AKR7A3: variants seen among roughly 807,000 people sequenced by gnomAD.
The protein encoded by AKR7A3 is AFB1 aldehyde reductase 2.
In AKR7A3, 37 loss-of-function variants were observed where a neutral mutation model predicts 32.5. That is an observed-to-expected ratio of 1.14 (90% CI 0.88 to 1.50). The LOEUF (loss-of-function observed/expected upper bound fraction) is 1.50, where lower values mean the gene tolerates loss of function less well. Ranked by LOEUF, AKR7A3 falls within the 40% of genes most tolerant of loss-of-function variation. The pLI, the probability that AKR7A3 is intolerant of heterozygous loss-of-function variation, is 0.00. For missense variants in AKR7A3, 412 were observed against 453.2 expected (o/e 0.91, Z 0.83); for synonymous variants, 177 against 188.4 (o/e 0.94, Z 0.50).
intron 6 of AKR7A3, 99 bp downstream of exon 6, chr1:19,283,897 T>G: frequency 6.4e-7 from 1 of 1,564,104 alleles, no homozygotes; most frequent in Non-Finnish European, 8.7e-7. Context: ...GAAAGAGAAA[T>G]TTCAGAGGAA....
downstream of AKR7A3, among the ~76,000 whole-genome samples, chr1:19,279,574 C>T (rs890404945): frequency 2.6e-5 from 4 of 151,854 alleles, no homozygotes; most frequent in Non-Finnish European, 5.9e-5. Context: ...AGTTTCTCTA[C>T]GGCACTTCTA....
At position 19,288,587 on chromosome 1, in the gene AKR7A3, G is replaced by A. The variant is rs1469368110; in HGVS notation, c.123C>T (p.Thr41=). ...TGTACACGAAGGCCGTGTCTATCTCGGTGTGGCCGCGCTCCAGGAAGGCGC... is the reference window on the plus strand; with the variant it reads ...TGTACACGAAGGCCGTGTCTATCTCAGTGTGGCCGCGCTCCAGGAAGGCGC... The part of the protein sequence containing the change: ...VTRAFLERGH[T]EIDTAFVYSE... Residue 41 remains threonine (T), a synonymous_variant, in exon 1 of 7, where the codon ACC becomes ACT. Transcript: ENST00000361640. 3.1e-6 allele frequency: 5 copies of A among 1,605,476 alleles called. No homozygotes were observed. Among genetic ancestry groups the A allele is most frequent in the Non-Finnish European group, 4.2e-6 (5 of 1,177,154 alleles).
downstream of AKR7A3, among the ~76,000 whole-genome samples, chr1:19,280,534 T>C (rs2093717085): frequency 6.6e-6 from 1 of 151,812 alleles, no homozygotes; most frequent in South Asian, 2.1e-4. Flanking sequence ...CTTGCAAATA[T>C]CCAGATGTTG....
rs1018083578 is a variant in AKR7A3 at position 19,288,739 on chromosome 1, C to T, written c.-30G>A. On this transcript the variant is annotated 5_prime_UTR_variant, in exon 1 of 7. Transcript: ENST00000361640. Reference sequence around the variant, plus strand: ...GCGGCAACGGGAGACTGTGACAGCCCAGGAGCCGCGCGCAGCGGTCGGAAG... The same window carrying T: ...GCGGCAACGGGAGACTGTGACAGCCTAGGAGCCGCGCGCAGCGGTCGGAAG... 5.6e-6 allele frequency: 8 copies of T among 1,434,332 alleles called. No individual in the cohort carries two copies. The African/African-American group carries it at 1.0e-4, about 19-fold the overall frequency. The allele number at this position is 1,434,332 out of a possible 1,614,324, so 88.9% of individuals were successfully genotyped here.
In AKR7A3 at chr1:19,286,210, C is replaced by G. The variant is rs775350192; in HGVS notation, c.377G>C (p.Arg126Pro). The change falls in exon 2 of 7, where the codon CGT becomes CCT. Residue 126 changes from arginine (R) to proline (P), a missense_variant. Arg to Pro is a moderately radical substitution (Grantham distance 103, BLOSUM62 -2). Transcript: ENST00000361640. ...DHSTPVEETL[R>P]ACHQLHQEGK... ...CTCCTGGTGCAGCTGGTGGCAGGCA[C>G]GCAGTGTCTCTTCCACCGGGGTGCT... 3 of 1,612,846 alleles carry G rather than the reference C, an allele frequency of 1.9e-6. No individual in the cohort carries two copies. Among genetic ancestry groups the G allele is most frequent in the Non-Finnish European group, 2.5e-6 (3 of 1,180,020 alleles).
Position 19,288,358 on chromosome 1 carries a change from G to A in AKR7A3, c.214+138C>T, listed in dbSNP as rs1363842733. 1.3e-5 allele frequency: 14 copies of A among 1,087,298 alleles called. No individual in the cohort carries two copies. In the Admixed American group the frequency reaches 3.6e-4, roughly 28 times the overall value. 67.4% of individuals were successfully genotyped at this position (1,087,298 alleles called of 1,614,324 possible). A position where few individuals can be genotyped will look rare whatever the true frequency, so the allele number is the denominator to read the frequency against. ...AGGAGCCTGGTGTTCCCAAGGCTGC[G>A]AGGTGAACAGGGGTGGGGGCGGTGG... On this transcript the variant is annotated intron_variant, in intron 1 of 6. Coordinates refer to ENST00000361640, the MANE Select transcript of AKR7A3 (RefSeq NM_012067.3).
the AKR7A3 span, among the ~76,000 whole-genome samples, chr1:19,274,552 G>A: frequency 6.6e-6 from 1 of 151,752 alleles, no homozygotes; most frequent in Non-Finnish European, 1.5e-5. Context: ...TGGAGGATGA[G>A]GCTTACCAAA....
the AKR7A3 span, among the ~76,000 whole-genome samples, chr1:19,275,625 G>T: frequency 6.6e-6 from 1 of 151,726 alleles, no homozygotes; most frequent in African/African-American, 2.4e-5. Flanking sequence ...AACACAGAGA[G>T]ATGTTATCTC....
downstream of AKR7A3, chr1:19,282,444 C>T (rs2093720373): frequency 6.4e-6 from 3 of 471,244 alleles, no homozygotes; most frequent in African/African-American, 4.0e-5. Flanking sequence ...TCACCAAGAG[C>T]AGATGCCGGC....
At chr1:19,282,921 C>T (rs769984854) in intron 6 of AKR7A3, 29 bp from the exon 7 acceptor site, 1 of 1,600,772 alleles carries the variant, frequency 6.2e-7, no homozygotes, top group African/African-American at 1.4e-5. Flanking sequence ...GACTTCAACC[C>T]TCTTCTGCTG....
intron 1 of AKR7A3, among the ~76,000 whole-genome samples, chr1:19,286,625 G>A (rs2093731078): frequency 6.6e-6 from 1 of 151,848 alleles, no homozygotes; most frequent in Admixed American, 6.5e-5. Context: ...AGGTTGCAGT[G>A]AGCCGAGATT....
In AKR7A3 at chr1:19,285,063, G is replaced by A. The variant is rs1220794435; in HGVS notation, c.559C>T (p.Leu187Phe). The change falls in exon 4 of 7, where the codon CTC (leucine) becomes TTC (phenylalanine). Residue 187 changes from leucine (L) to phenylalanine (F), a missense_variant. Coordinates refer to ENST00000361640, the MANE Select transcript of AKR7A3 (RefSeq NM_012067.3). ...TAGAACCTCAGTCCAAAGTGCCTGA[G>A]GCAGGGGAAGAGCTCCGTTTCCACC... ...RQVETELFPC[L>F]RHFGLRFYAF... The A allele has an allele frequency of 6.2e-7, 1 of 1,613,294 alleles. No individual in the cohort carries two copies. The highest frequency in any genetic ancestry group is 2.2e-5 in the East Asian group (1 of 44,892).
the AKR7A3 span, among the ~76,000 whole-genome samples, chr1:19,274,947 C>CAAAAAAAAAAAAAAAAAAAAAAAAAAAA: frequency 1.1e-5 from 1 of 89,188 alleles, no homozygotes. Flanking sequence ...AATGAAAAAC[C>CAAAAAAAAAAAAAAAAAAAAAAAAAAAA]AATAGCAAGA....
At chr1:19,288,090 G>T (rs1000681625) in intron 1 of AKR7A3, among the ~76,000 whole-genome samples, 1 of 152,160 alleles carries the variant, frequency 6.6e-6, no homozygotes, top group African/African-American at 2.4e-5. Context: ...AGTGCCAGGC[G>T]GTAAGAACAG....
intron 4 of AKR7A3, 69 bp from the exon 5 acceptor site, chr1:19,284,854 T>C: frequency 6.3e-7 from 1 of 1,580,676 alleles, no homozygotes; most frequent in South Asian, 1.1e-5. Flanking sequence ...CTCAGGGCTC[T>C]GGTCTAGGGG....
chr1:19,282,502 C>A (rs2093720468), downstream of AKR7A3: 1 of 734,292 alleles, frequency 1.4e-6, no homozygotes, highest in Non-Finnish European at 2.2e-6. Flanking sequence ...AAATAAACCT[C>A]TTTTCTTTAT....
the AKR7A3 span, among the ~76,000 whole-genome samples, chr1:19,277,294 T>C: frequency 6.6e-6 from 1 of 151,794 alleles, no homozygotes. Context: ...AAATAGAAAA[T>C]AATAACGGAG....
intron 1 of AKR7A3, 29 bp from the exon 2 acceptor site, chr1:19,286,401 G>A (rs1461717926): frequency 7.5e-6 from 12 of 1,607,654 alleles, no homozygotes; most frequent in Non-Finnish European, 1.0e-5. Context: ...GAAATTCAGG[G>A]CCAGGCGCCG....
At chr1:19,288,429 G>T in intron 1 of AKR7A3, 67 bp downstream of exon 1, 1 of 1,545,002 alleles carries the variant, frequency 6.5e-7, no homozygotes, top group Non-Finnish European at 8.8e-7. Flanking sequence ...GGAGAGCGGG[G>T]CGGTACACGG....
Sources: allele counts gnomAD v4.1 joint callset (sites outside exome capture counted in the v4.1 genomes callset), GRCh38; gene constraint gnomAD v4.1.1; transcripts MANE v1.5; gene names NCBI Gene and HGNC (gene_info 2026-07-23, HGNC 2026-07-21).